Variants in NEBL observed in about 807,000 individuals in gnomAD.
The protein encoded by NEBL is LIM and SH3 protein 2.
In NEBL, 122 loss-of-function variants were observed where a neutral mutation model predicts 140.2. The observed-to-expected ratio is 0.87, with a 90% CI of 0.75 to 1.01. The LOEUF (loss-of-function observed/expected upper bound fraction) is 1.01. Among genes scored for constraint, NEBL ranks in the 50% least tolerant of loss-of-function variants. The probability of loss-of-function intolerance (pLI) is 0.00; values close to 1 mark genes in which losing one functional copy is unlikely to be tolerated. For missense variants in NEBL, 1,365 were observed against 1,231.3 expected (o/e 1.11, Z -1.62); for synonymous variants, 436 against 398.9 (o/e 1.09, Z -1.11).
At chr10:20,828,468 A>C in intron 17 of NEBL, 62 bp downstream of exon 17, 1 of 1,091,254 alleles carries the variant, frequency 9.2e-7, no homozygotes, top group Admixed American at 1.7e-5. Flanking sequence ...TGAGGAAAAA[A>C]GACCATTTCT....
At position 20,784,769 on chromosome 10, in the gene NEBL, T is replaced by A. The variant is rs1326405444; in HGVS notation, c.*978A>T. ...CACCTAAATCGCTTATTTACTAGAG[T>A]ATACATGTTATTTCCTAAGATGTAA... On this transcript the variant is annotated 3_prime_UTR_variant, in exon 28 of 28. Transcript: ENST00000377122. 1 of 152,196 alleles carries A rather than the reference T, an allele frequency of 6.6e-6. No homozygotes were observed. The highest frequency in any genetic ancestry group is 1.5e-5 in the Non-Finnish European group (1 of 68,034). 9.4% of individuals were successfully genotyped at this position (152,196 alleles called of 1,614,324 possible).
chr10:20,904,336 AC>A (rs1193676290), intron 4 of NEBL, among the ~76,000 whole-genome samples: 1 of 152,166 alleles, frequency 6.6e-6, no homozygotes, highest in Admixed American at 6.5e-5. Context: ...TCACCTTTGA[AC>A]CAACTGTAAG....
chr10:21,024,651 C>CTGAGTTTGGA, intron 2 of NEBL, among the ~76,000 whole-genome samples: 2 of 151,964 alleles, frequency 1.3e-5, no homozygotes, highest in African/African-American at 4.8e-5. Flanking sequence ...ATTACAATAT[C>CTGAGTTTGGA]TGTAGGAACC....
chr10:21,143,820 C>T (rs1839760272), intron 2 of NEBL, among the ~76,000 whole-genome samples: 1 of 151,534 alleles, frequency 6.6e-6, no homozygotes, highest in Non-Finnish European at 1.5e-5. Context: ...TAGGACTTAG[C>T]CCCATCAAAA....
intron 2 of NEBL, among the ~76,000 whole-genome samples, chr10:21,157,568 C>T (rs543818727): frequency 6.6e-6 from 1 of 152,038 alleles, no homozygotes; most frequent in African/African-American, 2.4e-5. Flanking sequence ...AAGATTCCAT[C>T]TCAAAAAATA....
chr10:21,214,541 A>G (rs1387551640), intron 3 of NEBL, among the ~76,000 whole-genome samples: 1 of 151,754 alleles, frequency 6.6e-6, no homozygotes, highest in Non-Finnish European at 1.5e-5. Context: ...ACACATACAC[A>G]CATGCACACA....
At chr10:21,195,195 A>G (rs1476688356) in intron 3 of NEBL, among the ~76,000 whole-genome samples, 1 of 152,192 alleles carries the variant, frequency 6.6e-6, no homozygotes, top group African/African-American at 2.4e-5. Flanking sequence ...CACCCTAGAA[A>G]TGTCAGTAGA....
intron 4 of NEBL, among the ~76,000 whole-genome samples, chr10:20,920,358 C>T (rs1331563317): frequency 6.6e-6 from 1 of 152,130 alleles, no homozygotes; most frequent in East Asian, 1.9e-4. Flanking sequence ...CTATTCATTA[C>T]AATACTAGCA....
At chr10:21,281,563 C>A (rs148051177) in intron 1 of NEBL, among the ~76,000 whole-genome samples, 1,591 of 151,880 alleles carry the variant, frequency 0.01, 28 homozygotes, top group African/African-American at 0.036. Flanking sequence ...GTGCAGAGTT[C>A]CCGCACAGCC....
intron 1 of NEBL, among the ~76,000 whole-genome samples, chr10:21,269,143 C>T (rs1842832315): frequency 6.6e-6 from 1 of 152,210 alleles, no homozygotes. Context: ...GTCCCATCTT[C>T]TCCCATTGTG....
chr10:20,885,386 T>C (rs1160256511), intron 4 of NEBL, among the ~76,000 whole-genome samples: 1 of 152,258 alleles, frequency 6.6e-6, no homozygotes, highest in Non-Finnish European at 1.5e-5. Flanking sequence ...TAGGTTTTTC[T>C]TTATTAATAA....
intron 2 of NEBL, among the ~76,000 whole-genome samples, chr10:21,023,520 C>T (rs1355353163): frequency 6.6e-6 from 1 of 151,950 alleles, no homozygotes; most frequent in Non-Finnish European, 1.5e-5. Flanking sequence ...ATGGTGAAAC[C>T]CAGTCTCTAC....
intron 3 of NEBL, among the ~76,000 whole-genome samples, chr10:21,227,912 G>A (rs1209039381): frequency 6.6e-6 from 1 of 151,050 alleles, no homozygotes; most frequent in Non-Finnish European, 1.5e-5. Context: ...AAATGTAAAT[G>A]GTAACGTTCA....
At chr10:20,923,540 A>C (rs1271483638) in intron 4 of NEBL, among the ~76,000 whole-genome samples, 9 of 151,602 alleles carry the variant, frequency 5.9e-5, no homozygotes, top group Non-Finnish European at 1.5e-5. Flanking sequence ...TTAGCCGGGC[A>C]TAGTGGCACA....
At chr10:21,256,282 G>C (rs1031024920) in intron 1 of NEBL, among the ~76,000 whole-genome samples, 21 of 151,996 alleles carry the variant, frequency 1.4e-4, no homozygotes, top group African/African-American at 5.1e-4. Flanking sequence ...TGGCCAGGCT[G>C]GTCTCAAACT....
intron 17 of NEBL, among the ~76,000 whole-genome samples, chr10:20,827,180 A>G (rs577719090): frequency 6.6e-6 from 1 of 152,226 alleles, no homozygotes; most frequent in Non-Finnish European, 1.5e-5. Context: ...CAGAGTAATT[A>G]TAAGAAAGGT....
chr10:21,080,653 G>C (rs191936408), intron 2 of NEBL, among the ~76,000 whole-genome samples: 17 of 152,250 alleles, frequency 1.1e-4, no homozygotes, highest in Admixed American at 1.0e-3. Flanking sequence ...GACTACAATG[G>C]AAAAGAAGCA....
At chr10:20,931,324 C>T (rs573651537) in intron 4 of NEBL, among the ~76,000 whole-genome samples, 28 of 152,178 alleles carry the variant, frequency 1.8e-4, no homozygotes, top group Admixed American at 4.6e-4. Flanking sequence ...TCAGAATCAA[C>T]TCTGTTTATT....
chr10:20,997,264 C>G (rs1431177109), intron 3 of NEBL, among the ~76,000 whole-genome samples: 1 of 151,906 alleles, frequency 6.6e-6, no homozygotes, highest in East Asian at 1.9e-4. Context: ...TCAGCAGGCT[C>G]CCTGCCCTCT....
Sources: allele counts gnomAD v4.1 joint callset (sites outside exome capture counted in the v4.1 genomes callset), GRCh38; gene constraint gnomAD v4.1.1; transcripts MANE v1.5; gene names NCBI Gene and HGNC (gene_info 2026-07-23, HGNC 2026-07-21).